The following EXOC1L variants were observed in gnomAD, a reference collection of about 807,000 sequenced individuals.
The protein encoded by EXOC1L is exocyst complex component 1 like.
Under a neutral mutation model 4.9 loss-of-function variants are expected in EXOC1L, and 10 were observed. The observed-to-expected ratio is 2.02, with a 90% CI of 1.25 to 3.43. The LOEUF (loss-of-function observed/expected upper bound fraction) is 3.43, where lower values mean the gene tolerates loss of function less well. EXOC1L is among the 30% of genes most tolerant of loss of function. The pLI is 0.00. For synonymous variants in EXOC1L, 41 were observed against 20.8 expected (o/e 1.97, Z -2.63); for missense variants, 114 against 59.4 (o/e 1.92, Z -3.02).
At chr4:55,823,691 TTTTGTTTGTTTG>T (rs201549199) in intron 1 of EXOC1L, among the ~76,000 whole-genome samples, 1 of 137,070 alleles carries the variant, frequency 7.3e-6, no homozygotes, top group Non-Finnish European at 1.7e-5. Context: ...CAAGGCTGTT[TTTTGTTTGTTTG>T]TTTGTTTGTT....
intron 2 of EXOC1L, among the ~76,000 whole-genome samples, chr4:55,835,706 G>GT (rs1263929073): frequency 2.6e-5 from 4 of 151,704 alleles, no homozygotes; most frequent in Non-Finnish European, 2.9e-5. Flanking sequence ...CAAATTGTTT[G>GT]TTTTTTTCTT....
At chr4:55,836,250 A>G (rs535140692) in intron 2 of EXOC1L, among the ~76,000 whole-genome samples, 1 of 151,994 alleles carries the variant, frequency 6.6e-6, no homozygotes, top group East Asian at 1.9e-4. Context: ...GGACTACTTC[A>G]GGTCAGTTCA....
chr4:55,825,360 C>G (rs1300033779), intron 1 of EXOC1L, among the ~76,000 whole-genome samples: 2 of 152,168 alleles, frequency 1.3e-5, no homozygotes, highest in Non-Finnish European at 2.9e-5. Flanking sequence ...TTGCCCGGCA[C>G]TATGGTAAGT....
At chr4:55,822,106 C>T (rs534372460) in intron 1 of EXOC1L, among the ~76,000 whole-genome samples, 3 of 152,274 alleles carry the variant, frequency 2.0e-5, no homozygotes, top group Non-Finnish European at 4.4e-5. Context: ...TACAATCTAG[C>T]GCTTCTAAAT....
At chr4:55,825,700 A>G (rs1466201793) in intron 1 of EXOC1L, among the ~76,000 whole-genome samples, 1 of 152,148 alleles carries the variant, frequency 6.6e-6, no homozygotes, top group Non-Finnish European at 1.5e-5. Context: ...TTACTTGCTT[A>G]TAACCAATCT....
intron 1 of EXOC1L, among the ~76,000 whole-genome samples, chr4:55,830,787 A>G (rs977605549): frequency 6.6e-6 from 1 of 152,194 alleles, no homozygotes; most frequent in African/African-American, 2.4e-5. Flanking sequence ...CGGGTTAACA[A>G]TAGCTGTGAT....
chr4:55,825,023 T>G (rs551448787), intron 1 of EXOC1L, among the ~76,000 whole-genome samples: 5 of 152,154 alleles, frequency 3.3e-5, no homozygotes, highest in African/African-American at 7.2e-5. Flanking sequence ...TTTCAGAGCT[T>G]TGAAGGGGGG....
intron 2 of EXOC1L, among the ~76,000 whole-genome samples, chr4:55,835,806 G>A (rs191130244): frequency 3.3e-5 from 5 of 152,058 alleles, no homozygotes; most frequent in Non-Finnish European, 1.5e-5. Flanking sequence ...TCTGTGGGTT[G>A]TCTGTTTACT....
chr4:55,836,039 G>A (rs1200176926), intron 2 of EXOC1L, among the ~76,000 whole-genome samples: 1 of 151,822 alleles, frequency 6.6e-6, no homozygotes, highest in Non-Finnish European at 1.5e-5. Context: ...CAATCAAAAT[G>A]TTGTCTAACT....
At chr4:55,826,119 A>T (rs1207806876) in intron 1 of EXOC1L, among the ~76,000 whole-genome samples, 2 of 151,936 alleles carry the variant, frequency 1.3e-5, no homozygotes, top group African/African-American at 4.8e-5. Context: ...AAAGAAAAAA[A>T]GAAAATTACT....
At chr4:55,832,011 T>C (rs562941022) in intron 2 of EXOC1L, among the ~76,000 whole-genome samples, 17 of 152,120 alleles carry the variant, frequency 1.1e-4, no homozygotes, top group African/African-American at 3.4e-4. Context: ...CCCCTTGAAC[T>C]TTCTACCTCC....
At chr4:55,830,224 A>G (rs2110283688) in intron 1 of EXOC1L, among the ~76,000 whole-genome samples, 1 of 152,314 alleles carries the variant, frequency 6.6e-6, no homozygotes, top group Non-Finnish European at 1.5e-5. Context: ...CTACAGCGCT[A>G]GGAGAGCATG....
intron 2 of EXOC1L, among the ~76,000 whole-genome samples, chr4:55,833,923 G>C (rs1720096077): frequency 6.6e-6 from 1 of 151,800 alleles, no homozygotes; most frequent in South Asian, 2.1e-4. Context: ...ATTGCCAGAA[G>C]AAAAACCATA....
At chr4:55,820,357 T>C (rs1159735510) in intron 1 of EXOC1L, among the ~76,000 whole-genome samples, 1 of 152,244 alleles carries the variant, frequency 6.6e-6, no homozygotes, top group Admixed American at 6.5e-5. Context: ...TGTATTAGAA[T>C]ACTTTGGTTA....
intron 2 of EXOC1L, among the ~76,000 whole-genome samples, chr4:55,836,849 T>A (rs1158047512): frequency 6.6e-6 from 1 of 152,022 alleles, no homozygotes. Flanking sequence ...AGGCACATTT[T>A]ATTTGTCTAA....
intron 1 of EXOC1L, among the ~76,000 whole-genome samples, 167 bp from the exon 2 acceptor site, chr4:55,831,167 A>T (rs559604989): frequency 4.0e-4 from 61 of 152,304 alleles, no homozygotes; most frequent in Admixed American, 2.1e-3. Flanking sequence ...ATTTGGGGGC[A>T]TACTGTGAAG....
chr4:55,834,880 A>G (rs2110286106), intron 2 of EXOC1L, among the ~76,000 whole-genome samples: 1 of 151,926 alleles, frequency 6.6e-6, no homozygotes, highest in East Asian at 1.9e-4. Flanking sequence ...GTCTGGTTAC[A>G]TGAGTAAGTT....
chr4:55,825,936 T>C (rs1719867517), intron 1 of EXOC1L, among the ~76,000 whole-genome samples: 1 of 151,650 alleles, frequency 6.6e-6, no homozygotes, highest in Admixed American at 6.6e-5. Context: ...AATACAAAAA[T>C]TAGCTGGGCA....
intron 1 of EXOC1L, among the ~76,000 whole-genome samples, chr4:55,820,470 G>T (rs1285986172): frequency 6.6e-6 from 1 of 152,170 alleles, no homozygotes; most frequent in Non-Finnish European, 1.5e-5. Context: ...TATTGTGCAA[G>T]AGCTCATTTT....
Sources: gnomAD v4.1 joint callset for allele counts (sites outside exome capture counted in the v4.1 genomes callset) on GRCh38, gnomAD v4.1.1 for gene constraint, MANE v1.5 for transcripts, NCBI Gene and HGNC (gene_info 2026-07-23, HGNC 2026-07-21) for gene names.